GALNT7: variants seen among roughly 807,000 people sequenced by gnomAD.
GALNT7 encodes the protein polypeptide N-acetylgalactosaminyltransferase 7.
In GALNT7, 60 loss-of-function variants were observed where a neutral mutation model predicts 82.1. That is an observed-to-expected ratio of 0.73 (90% CI 0.59 to 0.91). The LOEUF is 0.91. Among genes scored for constraint, GALNT7 ranks in the 40% least tolerant of loss-of-function variants. The pLI is 0.00. For synonymous variants in GALNT7, 243 were observed against 275.1 expected (o/e 0.88, Z 1.15); for missense variants, 660 against 804.2 (o/e 0.82, Z 2.17).
chr4:173,289,440 A>G (rs1736458634), intron 2 of GALNT7, among the ~76,000 whole-genome samples: 1 of 152,218 alleles, frequency 6.6e-6, no homozygotes, highest in African/African-American at 2.4e-5. Flanking sequence ...GCTCCACAGC[A>G]GAGAGGGGAG....
intron 9 of GALNT7, among the ~76,000 whole-genome samples, chr4:173,315,281 T>TTAGG (rs1399466176): frequency 6.6e-6 from 1 of 151,946 alleles, no homozygotes; most frequent in Non-Finnish European, 1.5e-5. Flanking sequence ...GAGTAGCTGA[T>TTAGG]TAGGTGGCTG....
At chr4:173,314,582 A>G (rs1737524386) in intron 9 of GALNT7, among the ~76,000 whole-genome samples, 2 of 152,208 alleles carry the variant, frequency 1.3e-5, no homozygotes. Flanking sequence ...GGGTTCTCAC[A>G]ACACCCAAAA....
chr4:173,321,238 A>T (rs777575436), intron 11 of GALNT7, among the ~76,000 whole-genome samples: 8 of 152,162 alleles, frequency 5.3e-5, no homozygotes, highest in Non-Finnish European at 4.4e-5. Flanking sequence ...GGAAAAGTGC[A>T]GTATTTCCTA....
intron 1 of GALNT7, among the ~76,000 whole-genome samples, chr4:173,215,525 C>T (rs915200198): frequency 2.6e-5 from 4 of 152,200 alleles, no homozygotes; most frequent in African/African-American, 7.2e-5. Context: ...CCACCATACC[C>T]GGCCTGCTGT....
At chr4:173,174,429 A>G (rs897953941) in intron 1 of GALNT7, among the ~76,000 whole-genome samples, 1 of 152,346 alleles carries the variant, frequency 6.6e-6, no homozygotes, top group South Asian at 2.1e-4. Flanking sequence ...TGGAAGGCAC[A>G]TATTAAATAT....
chr4:173,294,239 AG>A (rs1736638456), intron 3 of GALNT7, among the ~76,000 whole-genome samples: 2 of 151,932 alleles, frequency 1.3e-5, no homozygotes, highest in Non-Finnish European at 2.9e-5. Flanking sequence ...AAAATAATTT[AG>A]GACTGCACTG....
At chr4:173,225,795 A>G (rs1275700131) in intron 1 of GALNT7, among the ~76,000 whole-genome samples, 3 of 152,222 alleles carry the variant, frequency 2.0e-5, no homozygotes, top group Non-Finnish European at 4.4e-5. Context: ...GATACCTGAC[A>G]GATCTAACAG....
At chr4:173,245,091 A>C (rs1734576267) in intron 1 of GALNT7, among the ~76,000 whole-genome samples, 1 of 152,118 alleles carries the variant, frequency 6.6e-6, no homozygotes, top group Admixed American at 6.6e-5. Context: ...TGATCACTAT[A>C]AAACTGGTCA....
At chr4:173,197,257 A>T (rs1386249684) in intron 1 of GALNT7, among the ~76,000 whole-genome samples, 2 of 151,996 alleles carry the variant, frequency 1.3e-5, no homozygotes, top group East Asian at 3.9e-4. Flanking sequence ...GATTTCTATA[A>T]CTGAAGTTCT....
At chr4:173,210,514 C>T (rs779479844) in intron 1 of GALNT7, among the ~76,000 whole-genome samples, 1 of 152,040 alleles carries the variant, frequency 6.6e-6, no homozygotes, top group Non-Finnish European at 1.5e-5. Flanking sequence ...AGTGAGATGG[C>T]GCCATTTTGG....
chr4:173,299,135 C>G (rs1319510751), intron 6 of GALNT7, among the ~76,000 whole-genome samples: 1 of 152,118 alleles, frequency 6.6e-6, no homozygotes, highest in African/African-American at 2.4e-5. Context: ...TGTTACACTG[C>G]TGGTGATGTT....
At chr4:173,173,423 G>A (rs1020322198) in intron 1 of GALNT7, among the ~76,000 whole-genome samples, 1 of 152,068 alleles carries the variant, frequency 6.6e-6, no homozygotes, top group African/African-American at 2.4e-5. Context: ...ATAAGCCTCT[G>A]AAAATAAAGG....
At chr4:173,222,156 T>G (rs975238917) in intron 1 of GALNT7, among the ~76,000 whole-genome samples, 3 of 152,312 alleles carry the variant, frequency 2.0e-5, no homozygotes, top group Admixed American at 6.5e-5. Flanking sequence ...TCAGTAAACC[T>G]TTGTGTGAGT....
At chr4:173,239,435 T>C (rs1396227722) in intron 1 of GALNT7, among the ~76,000 whole-genome samples, 2 of 152,192 alleles carry the variant, frequency 1.3e-5, no homozygotes, top group Non-Finnish European at 2.9e-5. Flanking sequence ...TAATACACAG[T>C]ATCTGTCCTC....
rs541348368 is a variant in GALNT7, at chr4:173,323,196, A to G, written c.*1479A>G. 2.0e-5 allele frequency: 3 copies of G among 152,496 alleles called. No homozygotes were observed. The highest frequency in any genetic ancestry group is 2.1e-4 in the South Asian group (1 of 4,826). 9.4% of individuals were successfully genotyped at this position (152,496 alleles called of 1,614,324 possible). A position where few individuals can be genotyped will look rare whatever the true frequency, so the allele number is the denominator to read the frequency against. On this transcript the variant is annotated 3_prime_UTR_variant, in exon 12 of 12. Transcript: ENST00000265000. ...TAAGTTAAGCATTTTTGATCCTGTA[A>G]TCATGGTATCATTACAATGAAAGGA... is the stretch of plus-strand genomic sequence containing the variant.
intron 1 of GALNT7, among the ~76,000 whole-genome samples, chr4:173,178,915 GT>G: frequency 6.6e-6 from 1 of 152,308 alleles, no homozygotes; most frequent in South Asian, 2.1e-4. Context: ...TGAGAATAGA[GT>G]AGATGACCTA....
intron 2 of GALNT7, among the ~76,000 whole-genome samples, chr4:173,257,562 A>G (rs1361410036): frequency 6.6e-6 from 1 of 152,228 alleles, no homozygotes; most frequent in Non-Finnish European, 1.5e-5. Context: ...AATATAGTTT[A>G]ATTACATTCA....
Position 173,321,871 on chromosome 4 carries a change from A to T in GALNT7, c.*154A>T, listed in dbSNP as rs538919191. On this transcript the variant is annotated 3_prime_UTR_variant, in exon 12 of 12. Coordinates refer to ENST00000265000, the MANE Select transcript of GALNT7 (RefSeq NM_017423.3). ...GTTTGAAGGACATTGATAAACTGTG[A>T]TTTTACAATAACATTATCATCTGCA... 1 of 556,804 alleles carries T rather than the reference A, an allele frequency of 1.8e-6. No homozygotes were observed. Among genetic ancestry groups the T allele is most frequent in the East Asian group, 2.9e-5 (1 of 35,048 alleles). 34.5% of individuals were successfully genotyped at this position (556,804 alleles called of 1,614,324 possible). A position where few individuals can be genotyped will look rare whatever the true frequency, so the allele number is the denominator to read the frequency against.
chr4:173,175,417 CTTAA>C (rs746440854), intron 1 of GALNT7, among the ~76,000 whole-genome samples: 35 of 152,276 alleles, frequency 2.3e-4, no homozygotes, highest in Admixed American at 6.5e-4. Flanking sequence ...AGTTTATTCA[CTTAA>C]TTAATTGTAG....
Sources: gnomAD v4.1 joint callset for allele counts (sites outside exome capture counted in the v4.1 genomes callset) on GRCh38, gnomAD v4.1.1 for gene constraint, MANE v1.5 for transcripts, NCBI Gene and HGNC (gene_info 2026-07-23, HGNC 2026-07-21) for gene names.